Variants in EIF3H observed in about 807,000 individuals in gnomAD.
EIF3H encodes the protein eukaryotic translation initiation factor 3 subunit H, also known as eIF-3-gamma.
Under a neutral mutation model 44.2 loss-of-function variants are expected in EIF3H, and 26 were observed. The ratio of observed to expected loss-of-function variants is 0.59; its 90% confidence interval spans 0.43 to 0.82. The LOEUF is 0.82. EIF3H is among the 40% of genes least tolerant of loss of function. EIF3H has a pLI of 0.00. For missense variants in EIF3H, 359 were observed against 432.8 expected, an observed-to-expected ratio of 0.83 and a Z score of 1.51; for synonymous variants, 166 against 151.9, an observed-to-expected ratio of 1.09 and a Z score of -0.68.
At chr8:116,672,081 G>A (rs935749904) in intron 2 of EIF3H, among the ~76,000 whole-genome samples, 2 of 152,194 alleles carry the variant, frequency 1.3e-5, no homozygotes, top group African/African-American at 4.8e-5. Context: ...AGGCAAAATA[G>A]TAAAACAGCA....
chr8:116,743,687 G>A (rs911291135), intron 1 of EIF3H, among the ~76,000 whole-genome samples: 2 of 150,856 alleles, frequency 1.3e-5, no homozygotes, highest in African/African-American at 4.9e-5. Context: ...GAGCCCCAGA[G>A]GTGGAGGCTG....
intron 2 of EIF3H, among the ~76,000 whole-genome samples, chr8:116,686,484 G>C (rs1228305606): frequency 6.6e-6 from 1 of 152,144 alleles, no homozygotes; most frequent in Non-Finnish European, 1.5e-5. Flanking sequence ...AGTCATTACA[G>C]AGTCAGTCCC....
chr8:116,674,759 A>G (rs959090810), intron 2 of EIF3H, among the ~76,000 whole-genome samples: 1 of 152,180 alleles, frequency 6.6e-6, no homozygotes, highest in African/African-American at 2.4e-5. Context: ...TCCAAATAAT[A>G]TTTGTCAGTA....
chr8:116,715,626 G>A (rs1461971745), intron 2 of EIF3H, among the ~76,000 whole-genome samples: 1 of 152,054 alleles, frequency 6.6e-6, no homozygotes, highest in Non-Finnish European at 1.5e-5. Flanking sequence ...AATAAAGTAA[G>A]CTTCCTATAT....
At chr8:116,691,343 C>G (rs983688623) in intron 2 of EIF3H, among the ~76,000 whole-genome samples, 6 of 152,102 alleles carry the variant, frequency 3.9e-5, no homozygotes, top group Non-Finnish European at 8.8e-5. Context: ...CTCCTACAAA[C>G]CTGGGGGAAG....
intron 2 of EIF3H, among the ~76,000 whole-genome samples, chr8:116,715,863 CT>C (rs775808282): frequency 5.3e-5 from 8 of 151,392 alleles, no homozygotes; most frequent in South Asian, 2.1e-4. Flanking sequence ...ACAGTGCCCC[CT>C]AATGGGAATT....
At chr8:116,745,261 A>G (rs1011275021) in intron 1 of EIF3H, among the ~76,000 whole-genome samples, 78 of 152,358 alleles carry the variant, frequency 5.1e-4, no homozygotes, top group African/African-American at 1.8e-3. Context: ...AGTAACTATT[A>G]CCAACTATTA....
intron 2 of EIF3H, among the ~76,000 whole-genome samples, chr8:116,677,304 C>G (rs1226309005): frequency 6.6e-6 from 1 of 151,684 alleles, no homozygotes; most frequent in Non-Finnish European, 1.5e-5. Context: ...AATCAACGTA[C>G]TTTGCAATCA....
intron 2 of EIF3H, among the ~76,000 whole-genome samples, chr8:116,663,419 C>T (rs1478732465): frequency 6.6e-6 from 1 of 152,164 alleles, no homozygotes; most frequent in East Asian, 1.9e-4. Context: ...GCAATTTCAA[C>T]TAATGACATT....
intron 2 of EIF3H, among the ~76,000 whole-genome samples, chr8:116,686,661 T>C (rs1814082618): frequency 6.7e-6 from 1 of 150,022 alleles, no homozygotes; most frequent in African/African-American, 2.4e-5. Context: ...TACCAGCTGA[T>C]CAACAGGTTG....
chr8:116,698,878 T>G (rs1051940168), intron 2 of EIF3H, among the ~76,000 whole-genome samples: 5 of 152,166 alleles, frequency 3.3e-5, no homozygotes, highest in African/African-American at 9.7e-5. Flanking sequence ...CAGAGTGCAG[T>G]GGCTGACATC....
intron 1 of EIF3H, among the ~76,000 whole-genome samples, chr8:116,733,635 T>C (rs1243984674): frequency 6.6e-6 from 1 of 152,076 alleles, no homozygotes; most frequent in African/African-American, 2.4e-5. Context: ...CTTAAAAAAT[T>C]TTAAAAATCC....
At chr8:116,764,794 C>G (rs756272209) in intron 1 of EIF3H, among the ~76,000 whole-genome samples, 5 of 152,236 alleles carry the variant, frequency 3.3e-5, no homozygotes, top group African/African-American at 4.8e-5. Flanking sequence ...TCTGGTATTA[C>G]AGGCATGAGC....
intron 1 of EIF3H, among the ~76,000 whole-genome samples, chr8:116,744,666 CTCTT>C (rs1446949668): frequency 2.0e-5 from 3 of 152,194 alleles, no homozygotes; most frequent in Admixed American, 6.5e-5. Flanking sequence ...AAGCCATATT[CTCTT>C]TAAGATATTA....
intron 1 of EIF3H, among the ~76,000 whole-genome samples, chr8:116,752,289 T>C (rs953687494): frequency 6.6e-6 from 1 of 152,186 alleles, no homozygotes; most frequent in African/African-American, 2.4e-5. Context: ...GTCTCCTGAT[T>C]ACCAGGAGCA....
chr8:116,699,873 C>T lies in EIF3H; in HGVS notation c.289+26143G>A, dbSNP rs889129206. Reference sequence around the variant, plus strand: ...TTGCCCAGGCTGAAGTGCAATAGTGCGATCTCAGCTCACTGCAACCTCTGC... The same window carrying T: ...TTGCCCAGGCTGAAGTGCAATAGTGTGATCTCAGCTCACTGCAACCTCTGC... On this transcript the variant is annotated intron_variant, in intron 2 of 7. Coordinates refer to ENST00000521861, the MANE Select transcript of EIF3H (RefSeq NM_003756.3). Among the ~76,000 whole-genome samples, 5 of 152,130 alleles carry T rather than the reference C, an allele frequency of 3.3e-5. No homozygotes were observed. In the East Asian group the frequency reaches 7.8e-4, roughly 24 times the overall value.
chr8:116,700,370 C>T (rs546028047), intron 2 of EIF3H, among the ~76,000 whole-genome samples: 12 of 152,206 alleles, frequency 7.9e-5, no homozygotes, highest in African/African-American at 2.4e-4. Flanking sequence ...AACACAAATT[C>T]GTAAACTTTC....
chr8:116,712,108 C>T (rs746676022), intron 2 of EIF3H, among the ~76,000 whole-genome samples: 2 of 152,170 alleles, frequency 1.3e-5, no homozygotes, highest in Non-Finnish European at 2.9e-5. Context: ...CTGCTGCCGC[C>T]GCCGCCGCTG....
intron 2 of EIF3H, among the ~76,000 whole-genome samples, chr8:116,680,202 G>GGGT (rs763776169): frequency 0.12 from 6,596 of 54,146 alleles, 1,791 homozygotes; most frequent in African/African-American, 0.2. Context: ...GGAGGGTGGG[G>GGGT]GGGGGGGTCA....
Sources: gnomAD v4.1 joint callset for allele counts (sites outside exome capture counted in the v4.1 genomes callset) on GRCh38, gnomAD v4.1.1 for gene constraint, MANE v1.5 for transcripts, NCBI Gene and HGNC (gene_info 2026-07-23, HGNC 2026-07-21) for gene names.